Variants in ADGRE3 observed in about 807,000 individuals in gnomAD.
ADGRE3 encodes the protein EGF-like module receptor 3.
A neutral mutation model predicts 80.1 loss-of-function variants in ADGRE3; 88 were observed. The observed-to-expected ratio is 1.10, with a 90% CI of 0.93 to 1.31. ADGRE3 has a LOEUF of 1.31. ADGRE3 is among the 40% of genes most tolerant of loss of function. The pLI, the probability that ADGRE3 is intolerant of heterozygous loss-of-function variation, is 0.00. For synonymous variants in ADGRE3, 281 were observed against 294.8 expected (o/e 0.95, Z 0.48); for missense variants, 715 against 776.5 (o/e 0.92, Z 0.94).
chr19:14,633,273 A>C lies in ADGRE3; in HGVS notation c.1514T>G (p.Met505Arg). Reference sequence around the variant, plus strand: ...ACAGACTGGGCCAAGGAAACTCCACATGAATCCCTGGTCCAGGTGGAGCCA... The same window carrying C: ...ACAGACTGGGCCAAGGAAACTCCACCTGAATCCCTGGTCCAGGTGGAGCCA... ...RCWLHLDQGF[M>R]WSFLGPVCAI... The change falls in exon 12 of 16, where the codon ATG (methionine) becomes AGG (arginine). Residue 505 changes from methionine (M) to arginine (R), a missense_variant. By Grantham distance (91) the Met-to-Arg change is moderately conservative (BLOSUM62 -1). Transcript: ENST00000253673. The C allele has an allele frequency of 1.2e-6, 2 of 1,612,738 alleles. No individual in the cohort carries two copies. The highest frequency in any genetic ancestry group is 1.7e-6 in the Non-Finnish European group (2 of 1,179,282).
intron 6 of ADGRE3, among the ~76,000 whole-genome samples, chr19:14,653,455 TAG>T (rs1451508696): frequency 1.2e-4 from 18 of 152,002 alleles, no homozygotes; most frequent in African/African-American, 4.4e-4. Flanking sequence ...AGTGGAAAGA[TAG>T]AATAATCATA....
Position 14,646,878 on chromosome 19 carries a change from C to T in ADGRE3, c.882+303G>A, listed in dbSNP as rs188150953. On this transcript the variant is annotated intron_variant, in intron 8 of 15. Coordinates refer to ENST00000253673, the MANE Select transcript of ADGRE3 (RefSeq NM_032571.5). ...CTCCAACTCCTGGGCTCAAGCAATC[C>T]TCTTGCCTCAGCCTCCCGAGTAGCT... is the stretch of plus-strand genomic sequence containing the variant. Among the ~76,000 whole-genome samples the T allele has an allele frequency of 5.4e-3, 818 of 152,040 alleles. 3 individuals are homozygous for T. The highest frequency in any genetic ancestry group is 0.019 in the African/African-American group (776 of 41,456).
At chr19:14,653,453 G>GA (rs1971662174) in intron 6 of ADGRE3, among the ~76,000 whole-genome samples, 1 of 151,922 alleles carries the variant, frequency 6.6e-6, no homozygotes. Flanking sequence ...AGAGTGGAAA[G>GA]ATAGAATAAT....
chr19:14,630,698 A>C (rs1418316390), intron 13 of ADGRE3, among the ~76,000 whole-genome samples: 2 of 151,438 alleles, frequency 1.3e-5, no homozygotes, highest in African/African-American at 4.9e-5. Flanking sequence ...AAAGGCGTGA[A>C]CCACTGCACC....
chr19:14,638,863 T>G (rs2146835256), intron 10 of ADGRE3, among the ~76,000 whole-genome samples: 1 of 152,308 alleles, frequency 6.6e-6, no homozygotes, highest in East Asian at 1.9e-4. Context: ...CTATAGTTAA[T>G]ATATTATGAA....
At chr19:14,624,464 G>T (rs1393443448) in intron 15 of ADGRE3, among the ~76,000 whole-genome samples, 4 of 151,930 alleles carry the variant, frequency 2.6e-5, no homozygotes, top group Non-Finnish European at 5.9e-5. Context: ...CTTTGAAAAA[G>T]GAAAATATAG....
chr19:14,607,476 T>A, the ADGRE3 span, among the ~76,000 whole-genome samples: 3 of 151,780 alleles, frequency 2.0e-5, no homozygotes, highest in South Asian at 6.2e-4. Flanking sequence ...GTGCTGGGAT[T>A]ACAGGCGTGA....
At position 14,641,436 on chromosome 19, in the gene ADGRE3, C is replaced by G. The variant is rs774549131; in HGVS notation, c.1231G>C (p.Asp411His). The change falls in exon 10 of 16, where the codon GAT (aspartate) becomes CAT (histidine). Residue 411 changes from aspartate to histidine, a missense_variant. Coordinates refer to ENST00000253673, the MANE Select transcript of ADGRE3 (RefSeq NM_032571.5). ...GTCAGTACCTTGGGTTCAGTTCGAT[C>G]AATCCCCACGAGGAAGAGGAGGTGG... Reference protein sequence around the residue: ...LAHLLFLVGIDRTEPKVLCSI... With the variant: ...LAHLLFLVGIHRTEPKVLCSI... 6 of 1,614,004 alleles carry G rather than the reference C, an allele frequency of 3.7e-6. No individual in the cohort carries two copies. Among genetic ancestry groups the G allele is most frequent in the East Asian group, 2.2e-5 (1 of 44,900 alleles).
chr19:14,639,139 G>A (rs931528060), intron 10 of ADGRE3, among the ~76,000 whole-genome samples: 1 of 151,978 alleles, frequency 6.6e-6, no homozygotes, highest in Non-Finnish European at 1.5e-5. Flanking sequence ...TGATCCTCCC[G>A]CCTTGGCCTC....
intron 9 of ADGRE3, among the ~76,000 whole-genome samples, chr19:14,643,636 G>A (rs536338101): frequency 3.9e-5 from 6 of 152,212 alleles, no homozygotes; most frequent in Admixed American, 1.3e-4. Flanking sequence ...GCATCTGTGT[G>A]ACTTTCCTGG....
chr19:14,603,094 A>G, the ADGRE3 span, among the ~76,000 whole-genome samples: 1 of 152,230 alleles, frequency 6.6e-6, no homozygotes, highest in African/African-American at 2.4e-5. Context: ...TGCAAATCAT[A>G]TTCCCTAACT....
rs777989326 is a variant in ADGRE3 at position 14,641,611 on chromosome 19, C to A, written c.1056G>T (p.Glu352Asp). ...AGGTGATGACAGTCAGCACGGGATC[C>A]TCCTCCTGGGACCGAGAAAAAAAGT... ...AVLMALTSQE[E>D]DPVLTVITYV... The change falls in exon 10 of 16, where the codon GAG (glutamate) becomes GAT (aspartate). Residue 352 changes from glutamate (E) to aspartate (D), a missense_variant. Coordinates refer to ENST00000253673, the MANE Select transcript of ADGRE3 (RefSeq NM_032571.5). 1 of 1,614,090 alleles carries A rather than the reference C, an allele frequency of 6.2e-7. No homozygotes were observed. Among genetic ancestry groups the A allele is most frequent in the Non-Finnish European group, 8.5e-7 (1 of 1,180,002 alleles).
intron 11 of ADGRE3, among the ~76,000 whole-genome samples, chr19:14,636,499 G>A (rs1468874211): frequency 1.3e-5 from 2 of 151,884 alleles, no homozygotes; most frequent in Non-Finnish European, 2.9e-5. Flanking sequence ...GAGTCACCGT[G>A]CCCGACCTTA....
intron 9 of ADGRE3, 26 bp from the exon 10 acceptor site, chr19:14,641,642 G>A (rs1476551950): frequency 2.5e-6 from 4 of 1,611,418 alleles, no homozygotes; most frequent in Admixed American, 3.4e-5. Flanking sequence ...AAAGTTCACA[G>A]TGATGCTTTC....
chr19:14,625,675 G>C, intron 14 of ADGRE3, 76 bp from the exon 15 acceptor site: 1 of 806,064 alleles, frequency 1.2e-6, no homozygotes. Context: ...GAGTCAGGAA[G>C]AGGATAGAGA....
Position 14,674,831 on chromosome 19 carries a change from C to T in ADGRE3, c.-61G>A, listed in dbSNP as rs1972352871. On this transcript the variant is annotated 5_prime_UTR_variant, in exon 1 of 16. Transcript: ENST00000253673. ...GGAAGCTCTCTACTGTGCCGTAAGC[C>T]AACCACCTTTCCTAGCTCAAGAAAT... 1 of 1,557,684 alleles carries T rather than the reference C, an allele frequency of 6.4e-7. No individual in the cohort carries two copies. The highest frequency in any genetic ancestry group is 8.8e-7 in the Non-Finnish European group (1 of 1,138,704).
intron 2 of ADGRE3, among the ~76,000 whole-genome samples, chr19:14,666,888 C>A (rs1457130620): frequency 1.3e-5 from 2 of 152,106 alleles, no homozygotes; most frequent in Non-Finnish European, 2.9e-5. Context: ...GACTTAATAC[C>A]TTACCATACT....
intron 1 of ADGRE3, among the ~76,000 whole-genome samples, chr19:14,673,659 T>G (rs1285228334): frequency 6.6e-6 from 1 of 152,224 alleles, no homozygotes; most frequent in Non-Finnish European, 1.5e-5. Flanking sequence ...GGATACCCCA[T>G]GAGCATACTG....
At chr19:14,656,375 G>A (rs201505074) in intron 5 of ADGRE3, among the ~76,000 whole-genome samples, 13 of 130,592 alleles carry the variant, frequency 1.0e-4, no homozygotes, top group African/African-American at 1.1e-4. Flanking sequence ...AAAAAGAAAA[G>A]AAAAAAAAAA....
Sources: gnomAD v4.1 joint callset for allele counts (sites outside exome capture counted in the v4.1 genomes callset) on GRCh38, gnomAD v4.1.1 for gene constraint, MANE v1.5 for transcripts, NCBI Gene and HGNC (gene_info 2026-07-23, HGNC 2026-07-21) for gene names.